ANXA3: variants seen among roughly 807,000 people sequenced by gnomAD.
ANXA3 encodes the protein 35-alpha calcimedin.
Under a neutral mutation model 48.8 loss-of-function variants are expected in ANXA3, and 46 were observed. The observed-to-expected ratio is 0.94, with a 90% CI of 0.74 to 1.21. The LOEUF (loss-of-function observed/expected upper bound fraction) is 1.21, where lower values mean the gene tolerates loss of function less well. Among genes scored for constraint, ANXA3 ranks in the 50% most tolerant of loss-of-function variants. The pLI, the probability that ANXA3 is intolerant of heterozygous loss-of-function variation, is 0.00. For synonymous variants in ANXA3, 128 were observed against 134.7 expected (o/e 0.95, Z 0.35); for missense variants, 383 against 378.6 (o/e 1.01, Z -0.10).
intron 2 of ANXA3, among the ~76,000 whole-genome samples, chr4:78,564,934 G>A (rs1026032014): frequency 1.3e-5 from 2 of 151,836 alleles, no homozygotes; most frequent in African/African-American, 4.8e-5. Context: ...ATGGACCAGT[G>A]TAAGGAGTTT....
chr4:78,558,203 C>T (rs577390152), intron 2 of ANXA3, among the ~76,000 whole-genome samples: 78 of 152,190 alleles, frequency 5.1e-4, no homozygotes, highest in South Asian at 3.7e-3. Flanking sequence ...TTCATAGGAA[C>T]AGAAGGAGAC....
Position 78,582,239 on chromosome 4 carries a change from AG to A in ANXA3, c.262del (p.Val88Ter). ...ACTTTGAGCATCTCATGGTGGCCCT[AG>A]TGACTCCACCAGCAGTCTTTGATGC... ...GHFEHLMVAL[V>X]TPPAVFDAKQ... On this transcript the variant is annotated frameshift_variant, in exon 5 of 13. Transcript: ENST00000264908. LOFTEE classifies it high-confidence loss of function. 1 of 1,613,868 alleles carries A rather than the reference AG, an allele frequency of 6.2e-7. No homozygotes were observed. The highest frequency in any genetic ancestry group is 1.1e-5 in the South Asian group (1 of 91,070).
intron 2 of ANXA3, among the ~76,000 whole-genome samples, chr4:78,566,125 A>G (rs1722725465): frequency 6.6e-6 from 1 of 152,202 alleles, no homozygotes; most frequent in South Asian, 2.1e-4. Context: ...CACAGGAGCC[A>G]ATGGAAGGCA....
At chr4:78,578,159 T>C (rs894834792) in intron 3 of ANXA3, among the ~76,000 whole-genome samples, 3 of 151,688 alleles carry the variant, frequency 2.0e-5, no homozygotes, top group African/African-American at 7.3e-5. Context: ...CACATGCCTG[T>C]AATCCCAGCT....
At chr4:78,599,761 C>T (rs1200437783) in intron 10 of ANXA3, among the ~76,000 whole-genome samples, 1 of 151,536 alleles carries the variant, frequency 6.6e-6, no homozygotes, top group East Asian at 1.9e-4. Context: ...AAAGATTCTA[C>T]AAAAAAATAA....
At chr4:78,596,233 T>C (rs746566282) in intron 9 of ANXA3, among the ~76,000 whole-genome samples, 4 of 152,304 alleles carry the variant, frequency 2.6e-5, no homozygotes, top group Non-Finnish European at 5.9e-5. Flanking sequence ...CACCTAACAG[T>C]TCTCCCTAGT....
rs1722512178 is a variant in ANXA3 at position 78,556,433 on chromosome 4, T to C, written c.15+1945T>C. Among the ~76,000 whole-genome samples, 3 of 151,778 alleles carry C rather than the reference T, an allele frequency of 2.0e-5. No individual in the cohort carries two copies. In the South Asian group the frequency reaches 6.2e-4, roughly 31 times the overall value. On this transcript the variant is annotated intron_variant, in intron 2 of 12. Coordinates refer to ENST00000264908, the MANE Select transcript of ANXA3 (RefSeq NM_005139.3). ...TACGGAAAGACTATTACATCAAAAC[T>C]TTGTGGAAAGGTGGAATTGTGAGAA... is the stretch of plus-strand genomic sequence containing the variant.
chr4:78,586,413 C>G, intron 6 of ANXA3, 63 bp downstream of exon 6: 1 of 1,218,016 alleles, frequency 8.2e-7, no homozygotes, highest in African/African-American at 1.5e-5. Flanking sequence ...GTTGCTTTTC[C>G]TAGAATCCTC....
chr4:78,557,807 T>C (rs1180684689), intron 2 of ANXA3, among the ~76,000 whole-genome samples: 1 of 151,428 alleles, frequency 6.6e-6, no homozygotes, highest in Non-Finnish European at 1.5e-5. Context: ...GAAAACAAGA[T>C]AGCAATTCTC....
At chr4:78,594,588 G>T (rs1018418405) in intron 7 of ANXA3, among the ~76,000 whole-genome samples, 8 of 152,214 alleles carry the variant, frequency 5.3e-5, no homozygotes, top group African/African-American at 1.9e-4. Flanking sequence ...CTAATAGGTT[G>T]TGTAGTGGCA....
In ANXA3 at chr4:78,573,253, C is replaced by A. The variant is rs1219903986; in HGVS notation, c.89C>A (p.Ala30Glu). ...PSVDAEAIQK[A>E]IRGIGTDEKM... ...GTGGATGCTGAAGCTATTCAGAAAG[C>A]AATCAGAGGAATTGGTGAGTGATAT... is the stretch of plus-strand genomic sequence containing the variant. The change falls in exon 3 of 13, where the codon GCA (alanine) becomes GAA (glutamate). Residue 30 changes from alanine (A) to glutamate (E), a missense_variant. Physicochemically the swap from Ala to Glu is moderately radical, Grantham distance 107. Coordinates refer to ENST00000264908, the MANE Select transcript of ANXA3 (RefSeq NM_005139.3). 1 of 1,611,156 alleles carries A rather than the reference C, an allele frequency of 6.2e-7. No individual in the cohort carries two copies. Among genetic ancestry groups the A allele is most frequent in the Admixed American group, 1.7e-5 (1 of 60,004 alleles).
intron 3 of ANXA3, among the ~76,000 whole-genome samples, 171 bp from the exon 4 acceptor site, chr4:78,578,856 T>A (rs1332009220): frequency 3.9e-5 from 5 of 127,894 alleles, no homozygotes; most frequent in African/African-American, 2.3e-4. Flanking sequence ...GCAAACAAAA[T>A]AAATAAATAA....
chr4:78,597,156 G>A, intron 9 of ANXA3, 163 bp from the exon 10 acceptor site: 1 of 556,412 alleles, frequency 1.8e-6, no homozygotes, highest in Non-Finnish European at 3.1e-6. Context: ...CCTTAAAAAG[G>A]AACAAAAGAA....
intron 12 of ANXA3, among the ~76,000 whole-genome samples, chr4:78,606,306 A>C (rs569897734): frequency 5.4e-4 from 82 of 152,362 alleles, no homozygotes; most frequent in Non-Finnish European, 1.1e-3. Flanking sequence ...GGGAAGCAGC[A>C]GCCAAGCAGA....
chr4:78,593,113 C>CCCCACACACACA (rs71661180), intron 7 of ANXA3, among the ~76,000 whole-genome samples: 3 of 143,934 alleles, frequency 2.1e-5, no homozygotes, highest in Admixed American at 6.9e-5. Flanking sequence ...AACACACATA[C>CCCCACACACACA]CACACACACA....
At chr4:78,581,652 C>T (rs1338593795) in intron 4 of ANXA3, among the ~76,000 whole-genome samples, 1 of 152,166 alleles carries the variant, frequency 6.6e-6, no homozygotes, top group Admixed American at 6.5e-5. Flanking sequence ...TGTATTGCCA[C>T]ACTTAGGGTT....
intron 7 of ANXA3, among the ~76,000 whole-genome samples, chr4:78,592,800 G>A (rs1723326589): frequency 6.6e-6 from 1 of 152,166 alleles, no homozygotes; most frequent in Admixed American, 6.5e-5. Context: ...TCAACACAGG[G>A]TGGTAGTGGT....
At chr4:78,563,992 C>T (rs566746062) in intron 2 of ANXA3, among the ~76,000 whole-genome samples, 1 of 152,352 alleles carries the variant, frequency 6.6e-6, no homozygotes, top group Admixed American at 6.5e-5. Flanking sequence ...CTAGGTTAAG[C>T]ACTTTACTTT....
intron 6 of ANXA3, among the ~76,000 whole-genome samples, chr4:78,588,005 A>C (rs1183432617): frequency 6.6e-6 from 1 of 152,180 alleles, no homozygotes; most frequent in Non-Finnish European, 1.5e-5. Flanking sequence ...CTGAGGCAGG[A>C]GAATTGCTTG....
Sources: gnomAD v4.1 joint callset for allele counts (sites outside exome capture counted in the v4.1 genomes callset) on GRCh38, gnomAD v4.1.1 for gene constraint, MANE v1.5 for transcripts, NCBI Gene and HGNC (gene_info 2026-07-23, HGNC 2026-07-21) for gene names.